Variants in TMED3 observed in about 807,000 individuals in gnomAD.
The protein encoded by TMED3 is transmembrane emp24 domain-containing protein 3.
TMED3 carries 9 observed loss-of-function variants against 15.0 expected under a neutral mutation model. The ratio of observed to expected loss-of-function variants is 0.60; its 90% CI spans 0.36 to 1.04. The LOEUF is 1.04. Among genes scored for constraint, TMED3 ranks in the 50% least tolerant of loss-of-function variants. The pLI, the probability that TMED3 is intolerant of heterozygous loss-of-function variation, is 0.01. For synonymous variants in TMED3, 117 were observed against 121.4 expected (o/e 0.96, Z 0.24); for missense variants, 267 against 278.9 (o/e 0.96, Z 0.30).
At position 79,383,006 on chromosome 15, in the gene TMED3, G is replaced by T. The variant is rs946713340; in HGVS notation, c.418-28394G>T. 5.2e-6 allele frequency: 8 copies of T among 1,535,198 alleles called. No homozygotes were observed. In the African/African-American group the frequency reaches 6.9e-5, roughly 13 times the overall value. On this transcript the variant is annotated intron_variant, in intron 2 of 2. Transcript: ENST00000424155. ...CACCAACACCAACGCCACCACTAAG[G>T]GTTCCAGTGTGATCACCATCTGGGA...
chr15:79,407,719 A>G (rs1348407448), intron 2 of TMED3, among the ~76,000 whole-genome samples: 1 of 152,188 alleles, frequency 6.6e-6, no homozygotes, highest in South Asian at 2.1e-4. Context: ...CAAAGCTGAC[A>G]AGTTGTGATA....
intron 2 of TMED3, among the ~76,000 whole-genome samples, chr15:79,317,716 T>C (rs562400649): frequency 6.6e-6 from 1 of 152,310 alleles, no homozygotes; most frequent in South Asian, 2.1e-4. Context: ...ATTTCAAGAA[T>C]GATCCACTTT....
intron 2 of TMED3, among the ~76,000 whole-genome samples, chr15:79,359,233 T>G (rs1300174289): frequency 3.1e-5 from 3 of 95,528 alleles, no homozygotes; most frequent in Admixed American, 1.2e-4. Context: ...AGGCTCAGTT[T>G]TTTTTTTTTT....
At chr15:79,411,417 T>C (rs1193037807) in exon 3 of TMED3, 1 of 702,480 alleles carries the variant, frequency 1.4e-6, no homozygotes, top group African/African-American at 1.7e-5. Context: ...GAGGAGCTTA[T>C]TGGAAGGAGG....
intron 2 of TMED3, among the ~76,000 whole-genome samples, chr15:79,349,659 A>G (rs1595895860): frequency 6.6e-6 from 1 of 152,186 alleles, no homozygotes; most frequent in African/African-American, 2.4e-5. Context: ...CATGTATCAC[A>G]TGTTCTGATC....
chr15:79,411,596 T>C, exon 3 of TMED3: 1 of 675,232 alleles, frequency 1.5e-6, no homozygotes, highest in African/African-American at 1.8e-5. Context: ...AGAGCTACCA[T>C]GCACTGGGAC....
At chr15:79,357,173 C>T (rs1166508549) in intron 2 of TMED3, among the ~76,000 whole-genome samples, 1 of 151,986 alleles carries the variant, frequency 6.6e-6, no homozygotes, top group Admixed American at 6.5e-5. Context: ...CTATGTTATA[C>T]TCTTTCATAT....
chr15:79,376,967 G>A (rs1436996185), intron 2 of TMED3, among the ~76,000 whole-genome samples: 1 of 152,142 alleles, frequency 6.6e-6, no homozygotes, highest in Non-Finnish European at 1.5e-5. Context: ...GGTCAAGACT[G>A]TGACTACTTA....
At chr15:79,332,659 C>T (rs758624463) in intron 2 of TMED3, among the ~76,000 whole-genome samples, 6 of 152,178 alleles carry the variant, frequency 3.9e-5, no homozygotes, top group African/African-American at 9.7e-5. Context: ...GGCCCATTCT[C>T]GCTTATCATT....
At position 79,314,012 on chromosome 15, in the gene TMED3, G is replaced by A; in HGVS notation, c.417+7G>A. On this transcript the variant is annotated splice_region_variant and intron_variant, in intron 2 of 2. Coordinates refer to ENST00000299705, the MANE Select transcript of TMED3 (RefSeq NM_007364.4). ...GGTCACAGCTCTCACCCAGGTGAGT[G>A]AACATTAGCAGTTCGGGGCTGCTGA... The A allele has an allele frequency of 1.2e-6, 2 of 1,614,076 alleles. No homozygotes were observed. Among genetic ancestry groups the A allele is most frequent in the Non-Finnish European group, 1.7e-6 (2 of 1,179,974 alleles).
At chr15:79,373,535 GACAGCC>G (rs60527857) in intron 2 of TMED3, among the ~76,000 whole-genome samples, 24,739 of 152,208 alleles carry the variant, frequency 0.16, 2,417 homozygotes, top group African/African-American at 0.27. Context: ...CAAAGCAAGA[GACAGCC>G]TCAAGACAGA....
chr15:79,406,772 C>T (rs750276773), intron 2 of TMED3, among the ~76,000 whole-genome samples: 15 of 152,288 alleles, frequency 9.8e-5, no homozygotes, highest in East Asian at 3.9e-4. Flanking sequence ...TCTTACCCCC[C>T]GCAGGAATAC....
chr15:79,321,262 C>T (rs779840913), intron 2 of TMED3, among the ~76,000 whole-genome samples: 5 of 152,108 alleles, frequency 3.3e-5, no homozygotes, highest in East Asian at 3.9e-4. Flanking sequence ...GGAATTAGGG[C>T]GGGGGACCTT....
chr15:79,359,595 G>A (rs1387377118), intron 2 of TMED3, among the ~76,000 whole-genome samples: 2 of 152,072 alleles, frequency 1.3e-5, no homozygotes, highest in African/African-American at 4.8e-5. Context: ...TCCAGGGCAT[G>A]ACCTTTTTAA....
At chr15:79,408,663 G>A (rs1288465138) in intron 2 of TMED3, among the ~76,000 whole-genome samples, 1 of 152,130 alleles carries the variant, frequency 6.6e-6, no homozygotes, top group Non-Finnish European at 1.5e-5. Flanking sequence ...GAAACCCAGG[G>A]TCCAGATCTG....
At chr15:79,394,353 G>A (rs1330691652) in intron 2 of TMED3, among the ~76,000 whole-genome samples, 2 of 152,174 alleles carry the variant, frequency 1.3e-5, no homozygotes, top group African/African-American at 2.4e-5. Flanking sequence ...TGTTTACTGC[G>A]ACAAGTTTCT....
At chr15:79,409,174 G>A (rs1893939236) in intron 2 of TMED3, among the ~76,000 whole-genome samples, 1 of 152,212 alleles carries the variant, frequency 6.6e-6, no homozygotes, top group African/African-American at 2.4e-5. Context: ...TATAAGGACA[G>A]GTCGAGGAGT....
At chr15:79,379,753 C>T (rs868723052) in intron 2 of TMED3, among the ~76,000 whole-genome samples, 24 of 152,110 alleles carry the variant, frequency 1.6e-4, no homozygotes, top group African/African-American at 5.8e-4. Flanking sequence ...ATCAAACTTT[C>T]CTTATGTATT....
chr15:79,380,505 A>ATATATATAGT (rs922224167), intron 2 of TMED3, among the ~76,000 whole-genome samples: 2 of 146,874 alleles, frequency 1.4e-5, no homozygotes, highest in African/African-American at 5.0e-5. Context: ...ATATATAGTT[A>ATATATATAGT]TATATATAGT....
Sources: allele counts gnomAD v4.1 joint callset (sites outside exome capture counted in the v4.1 genomes callset), GRCh38; gene constraint gnomAD v4.1.1; transcripts MANE v1.5; gene names NCBI Gene and HGNC (gene_info 2026-07-23, HGNC 2026-07-21).